GCNT1: variants seen among roughly 807,000 people sequenced by gnomAD.
GCNT1 encodes the protein glucosaminyl (N-acetyl) transferase 1.
GCNT1 carries 16 observed loss-of-function variants against 26.2 expected under a neutral mutation model. The observed-to-expected ratio is 0.61, with a 90% CI of 0.41 to 0.93. GCNT1 has a LOEUF of 0.93. GCNT1 is among the 40% of genes least tolerant of loss of function. GCNT1 has a pLI of 0.00. For missense variants in GCNT1, 477 were observed against 526.7 expected (o/e 0.91, Z 0.92); for synonymous variants, 183 against 190.8 (o/e 0.96, Z 0.34).
chr9:76,447,151 CAAA>C (rs532132124), intron 1 of GCNT1, among the ~76,000 whole-genome samples: 3,545 of 35,618 alleles, frequency 0.1, 32 homozygotes, highest in African/African-American at 0.15. Flanking sequence ...AACCCTGTGT[CAAA>C]AAAAAAAAAA....
chr9:76,409,735 C>T, the GCNT1 span, among the ~76,000 whole-genome samples: 3 of 152,090 alleles, frequency 2.0e-5, no homozygotes, highest in Non-Finnish European at 2.9e-5. Flanking sequence ...CATGAGCCAC[C>T]GCATCTGGCT....
intron 1 of GCNT1, among the ~76,000 whole-genome samples, chr9:76,426,729 C>T (rs2131574225): frequency 6.6e-6 from 1 of 152,120 alleles, no homozygotes; most frequent in East Asian, 1.9e-4. Flanking sequence ...AACCCCGTCT[C>T]TATTAAAAAT....
chr9:76,474,507 T>G (rs1824212599), intron 2 of GCNT1, among the ~76,000 whole-genome samples: 1 of 152,126 alleles, frequency 6.6e-6, no homozygotes, highest in South Asian at 2.1e-4. Flanking sequence ...GATAAACTAA[T>G]TGTGACAAAA....
At chr9:76,423,232 C>T (rs1465165602) in intron 1 of GCNT1, among the ~76,000 whole-genome samples, 2 of 152,214 alleles carry the variant, frequency 1.3e-5, no homozygotes, top group African/African-American at 4.8e-5. Flanking sequence ...CCCCAAAGTT[C>T]ATGTGTTGGA....
chr9:76,452,668 A>G (rs1823690976), intron 1 of GCNT1, among the ~76,000 whole-genome samples: 1 of 152,122 alleles, frequency 6.6e-6, no homozygotes, highest in African/African-American at 2.4e-5. Flanking sequence ...CCATGACAAG[A>G]CAGCACCAAA....
intron 2 of GCNT1, among the ~76,000 whole-genome samples, chr9:76,499,942 T>G (rs1214840886): frequency 6.6e-6 from 1 of 152,218 alleles, no homozygotes; most frequent in African/African-American, 2.4e-5. Flanking sequence ...TTATTGAAAT[T>G]TTCTCAATTT....
rs181200933 is a variant in GCNT1 at position 76,429,961 on chromosome 9, G to T, written n.38+10074G>T. On this transcript the variant is annotated intron_variant and non_coding_transcript_variant, in intron 1 of 3. Coordinates refer to the GCNT1 transcript ENST00000488136. Reference sequence around the variant, plus strand: ...GATCTCCTGACCTTGTGATCTGCCCGCCTCGGCCTCCCAAAGTGCTGGGAT... The same window carrying T: ...GATCTCCTGACCTTGTGATCTGCCCTCCTCGGCCTCCCAAAGTGCTGGGAT... Among the ~76,000 whole-genome samples the T allele has an allele frequency of 9.9e-5, 15 of 152,094 alleles. No homozygotes were observed. The East Asian group carries it at 2.7e-3, about 27-fold the overall frequency.
chr9:76,394,031 C>G, the GCNT1 span: 3 of 1,502,562 alleles, frequency 2.0e-6, no homozygotes, highest in Non-Finnish European at 2.7e-6. Context: ...CCCCGGCTGC[C>G]GTCTCTCCCC....
At chr9:76,454,110 G>A (rs947649687) in intron 1 of GCNT1, among the ~76,000 whole-genome samples, 3 of 152,204 alleles carry the variant, frequency 2.0e-5, no homozygotes, top group Non-Finnish European at 2.9e-5. Flanking sequence ...GCTGAGTGCG[G>A]TGGCTCATGC....
rs781261648 is a variant in GCNT1 at position 76,503,463 on chromosome 9, G to A, written c.1082G>A (p.Gly361Asp). 6.8e-6 allele frequency: 11 copies of A among 1,614,092 alleles called. No homozygotes were observed. The South Asian group carries it at 8.8e-5, about 13-fold the overall frequency. Residue 361 changes from glycine to aspartate, a missense_variant, in exon 4 of 4, where the codon GGT becomes GAT. By Grantham distance (94) the Gly-to-Asp change is moderately conservative. Coordinates refer to ENST00000376730, the MANE Select transcript of GCNT1 (RefSeq NM_001490.5). The part of the protein sequence containing the change: ...ARFVKWQYFE[G>D]DVSKGAPYPP... Reference sequence around the variant, plus strand: ...TTTGTCAAGTGGCAGTACTTTGAGGGTGATGTTTCCAAGGGTGCTCCCTAC... The same window carrying A: ...TTTGTCAAGTGGCAGTACTTTGAGGATGATGTTTCCAAGGGTGCTCCCTAC...
chr9:76,395,905 A>G, the GCNT1 span, among the ~76,000 whole-genome samples: 1 of 152,208 alleles, frequency 6.6e-6, no homozygotes, highest in South Asian at 2.1e-4. Context: ...CATTCCTTCT[A>G]ATATAGGGAG....
chr9:76,503,326 A>G lies in GCNT1; in HGVS notation c.945A>G (p.Thr315=), dbSNP rs144737788. The G allele has an allele frequency of 8.1e-5, 130 of 1,614,166 alleles. No individual in the cohort carries two copies. The African/African-American group carries it at 1.7e-3, about 21-fold the overall frequency. The part of the protein sequence containing the change: ...IQKLMEWAQD[T]YSPDEYLWAT... Reference sequence around the variant, plus strand: ...AGTTGATGGAGTGGGCACAAGACACATACAGCCCTGATGAGTATCTCTGGG... The same window carrying G: ...AGTTGATGGAGTGGGCACAAGACACGTACAGCCCTGATGAGTATCTCTGGG... The change falls in exon 4 of 4, where the codon ACA becomes ACG. Residue 315 remains threonine, a synonymous_variant. Coordinates refer to ENST00000376730, the MANE Select transcript of GCNT1 (RefSeq NM_001490.5).
Position 76,459,325 on chromosome 9 carries a change from G to GT in GCNT1, c.-408+22dup, listed in dbSNP as rs1399649951. ...CTCCAGGTAACCGGCTCTCCCTCGT[G>GT]TTCCCCTGCTCGGCCGCCCGGCGGT... is the stretch of plus-strand genomic sequence containing the variant. On this transcript the variant is annotated intron_variant, in intron 1 of 3. Coordinates refer to ENST00000376730, the MANE Select transcript of GCNT1 (RefSeq NM_001490.5). 3 of 152,548 alleles carry GT rather than the reference G, an allele frequency of 2.0e-5. No individual in the cohort carries two copies. Among genetic ancestry groups the GT allele is most frequent in the Non-Finnish European group, 4.4e-5 (3 of 68,200 alleles). 9.4% of individuals were successfully genotyped at this position (152,548 alleles called of 1,614,324 possible). A position where few individuals can be genotyped will look rare whatever the true frequency, so the allele number is the denominator to read the frequency against.
chr9:76,426,686 A>C (rs1823262078), intron 1 of GCNT1, among the ~76,000 whole-genome samples: 1 of 152,194 alleles, frequency 6.6e-6, no homozygotes, highest in Non-Finnish European at 1.5e-5. Flanking sequence ...ACCTGAGGTC[A>C]GGAGTTTGAG....
At chr9:76,417,275 G>A (rs1823141526), upstream of GCNT1, among the ~76,000 whole-genome samples, 10 of 152,262 alleles carry the variant, frequency 6.6e-5, 1 homozygote, top group South Asian at 1.9e-3. Context: ...CATCTCCGCA[G>A]TAAATGAAGT....
upstream of GCNT1, among the ~76,000 whole-genome samples, chr9:76,415,199 A>T (rs757505357): frequency 3.3e-5 from 5 of 152,152 alleles, no homozygotes; most frequent in African/African-American, 4.8e-5. Flanking sequence ...CTGGGGCTAC[A>T]GGCACGCACC....
At chr9:76,396,490 G>GA in the GCNT1 span, among the ~76,000 whole-genome samples, 10 of 150,282 alleles carry the variant, frequency 6.7e-5, no homozygotes, top group African/African-American at 9.8e-5. Context: ...AAAGAAACAA[G>GA]AAAAAAAAGA....
At chr9:76,425,343 C>G (rs1314541349) in intron 1 of GCNT1, among the ~76,000 whole-genome samples, 1 of 151,788 alleles carries the variant, frequency 6.6e-6, no homozygotes, top group Non-Finnish European at 1.5e-5. Context: ...CTGCCTCAGC[C>G]TCCTGAGTAG....
At chr9:76,404,303 A>G in the GCNT1 span, among the ~76,000 whole-genome samples, 1 of 152,102 alleles carries the variant, frequency 6.6e-6, no homozygotes, top group Non-Finnish European at 1.5e-5. Context: ...TTTCTGTCCA[A>G]TATATAAAAT....
Sources: allele counts gnomAD v4.1 joint callset (sites outside exome capture counted in the v4.1 genomes callset), GRCh38; gene constraint gnomAD v4.1.1; transcripts MANE v1.5; gene names NCBI Gene and HGNC (gene_info 2026-07-23, HGNC 2026-07-21).